Variants in KCNB2 observed in about 807,000 individuals in gnomAD.
The protein encoded by KCNB2 is potassium voltage-gated channel subfamily B member 2, also known as delayed rectifier potassium channel protein.
KCNB2 carries 15 observed loss-of-function variants against 61.5 expected under a neutral mutation model. The observed-to-expected ratio is 0.24, with a 90% CI of 0.16 to 0.38. The LOEUF (loss-of-function observed/expected upper bound fraction) is 0.38. Among genes scored for constraint, KCNB2 ranks in the 10% least tolerant of loss-of-function variants. KCNB2 has a pLI of 1.00. For synonymous variants in KCNB2, 457 were observed against 446.0 expected (o/e 1.02, Z -0.31); for missense variants, 828 against 1,125.2 (o/e 0.74, Z 3.78).
intron 2 of KCNB2, among the ~76,000 whole-genome samples, chr8:72,813,333 T>C (rs1459376105): frequency 6.6e-6 from 1 of 151,958 alleles, no homozygotes; most frequent in Non-Finnish European, 1.5e-5. Context: ...CTGAAGACTT[T>C]TTTTTTTCAA....
At chr8:72,734,812 A>G (rs941614825) in intron 2 of KCNB2, among the ~76,000 whole-genome samples, 1 of 152,224 alleles carries the variant, frequency 6.6e-6, no homozygotes, top group Admixed American at 6.6e-5. Flanking sequence ...CGACAGCTTC[A>G]GATAAAGGTC....
intron 2 of KCNB2, among the ~76,000 whole-genome samples, chr8:72,686,903 T>C (rs1213719584): frequency 6.6e-6 from 1 of 152,158 alleles, no homozygotes. Flanking sequence ...TCCAGGACAA[T>C]GGTCTTCTTC....
chr8:72,830,028 T>C (rs1486557601), intron 2 of KCNB2, among the ~76,000 whole-genome samples: 1 of 150,848 alleles, frequency 6.6e-6, no homozygotes, highest in Non-Finnish European at 1.5e-5. Flanking sequence ...AATTGGTCGC[T>C]AAAAATTGCT....
rs190155324 is a variant in KCNB2 at position 72,721,311 on chromosome 8, C to T, written c.579+152998C>T. On this transcript the variant is annotated intron_variant, in intron 2 of 2. Transcript: ENST00000523207. Reference sequence around the variant, plus strand: ...GGGGGTTGCTGTCTTTGCTGGTGAACTCTGCTGAATGGTGATAATGTGGAA... The same window carrying T: ...GGGGGTTGCTGTCTTTGCTGGTGAATTCTGCTGAATGGTGATAATGTGGAA... 4.9e-4 allele frequency among the ~76,000 whole-genome samples: 74 copies of T among 152,352 alleles called. No individual in the cohort carries two copies. The South Asian group carries it at 8.9e-3, about 18-fold the overall frequency.
intron 2 of KCNB2, among the ~76,000 whole-genome samples, chr8:72,692,110 C>T (rs1168074372): frequency 1.3e-5 from 2 of 151,666 alleles, no homozygotes; most frequent in Non-Finnish European, 2.9e-5. Context: ...GTGGTGGGTG[C>T]CTGTAGTCCC....
At chr8:72,747,467 A>G (rs1193351020) in intron 2 of KCNB2, among the ~76,000 whole-genome samples, 2 of 152,148 alleles carry the variant, frequency 1.3e-5, no homozygotes, top group Non-Finnish European at 2.9e-5. Context: ...TGTCTGTGAC[A>G]GAGGCATTCC....
intron 2 of KCNB2, among the ~76,000 whole-genome samples, chr8:72,826,732 G>A (rs1408973146): frequency 6.6e-6 from 1 of 152,148 alleles, no homozygotes; most frequent in Admixed American, 6.5e-5. Context: ...TGATATTGCA[G>A]AAGAAAATCC....
intron 2 of KCNB2, among the ~76,000 whole-genome samples, chr8:72,854,238 C>T (rs1810167502): frequency 6.6e-6 from 1 of 151,990 alleles, no homozygotes; most frequent in Admixed American, 6.6e-5. Flanking sequence ...TCTAAGCAGG[C>T]AAAATAAATT....
At chr8:72,777,078 A>G (rs1476010122) in intron 2 of KCNB2, among the ~76,000 whole-genome samples, 1 of 152,218 alleles carries the variant, frequency 6.6e-6, no homozygotes, top group Non-Finnish European at 1.5e-5. Context: ...AATTTAATCC[A>G]CATTGCACCA....
chr8:72,612,475 A>G (rs16919286), intron 2 of KCNB2, among the ~76,000 whole-genome samples: 4,069 of 152,308 alleles, frequency 0.027, 76 homozygotes, highest in South Asian at 0.081. Flanking sequence ...ATTCATACTG[A>G]TGACATTTTG....
At chr8:72,805,117 T>C (rs1041296761) in intron 2 of KCNB2, among the ~76,000 whole-genome samples, 2 of 152,194 alleles carry the variant, frequency 1.3e-5, no homozygotes, top group African/African-American at 4.8e-5. Context: ...AGGATAATTC[T>C]GAGGATCATG....
At chr8:72,931,230 A>C (rs7004996) in intron 2 of KCNB2, among the ~76,000 whole-genome samples, 3 of 151,544 alleles carry the variant, frequency 2.0e-5, no homozygotes, top group African/African-American at 7.3e-5. Flanking sequence ...GTCAGGTAGC[A>C]TGATGCCTCA....
chr8:72,937,553 C>T lies in KCNB2; in HGVS notation c.2198C>T (p.Thr733Ile). 1 of 1,614,018 alleles carries T rather than the reference C, an allele frequency of 6.2e-7. No homozygotes were observed. Among genetic ancestry groups the T allele is most frequent in the South Asian group, 1.1e-5 (1 of 91,074 alleles). ...AGTGCACCACAGACCCCGCCCAGCA[C>T]AGCCAGGCCACTGCCAGTCACCACA... is the stretch of plus-strand genomic sequence containing the variant. ...RGSAPQTPPS[T>I]ARPLPVTTAD... The change falls in exon 3 of 3, where the codon ACA becomes ATA. Residue 733 changes from threonine to isoleucine, a missense_variant. Around this residue, in one of 4 missense-constraint regions of KCNB2, gnomAD observed 559 missense variants for 588.4 expected, o/e 0.95. Transcript: ENST00000523207.
At chr8:72,780,064 T>C (rs888223737) in intron 2 of KCNB2, among the ~76,000 whole-genome samples, 2 of 152,222 alleles carry the variant, frequency 1.3e-5, no homozygotes, top group Non-Finnish European at 2.9e-5. Context: ...AAAGCCTCTA[T>C]GTCTAAAGTG....
Position 72,568,226 on chromosome 8 carries a change from A to T in KCNB2, c.492A>T (p.Gly164=). The stretch of plus-strand genomic sequence containing the variant: ...CAGAGACTATGCGAGAGCGAGAAGG[A>T]GAAGAGTTTGATAATACCTGCTGCC... ...REAETMRERE[G]EEFDNTCCPD... is the part of the protein sequence containing the mutation. Residue 164 remains glycine, a synonymous_variant, in exon 2 of 3, where the codon GGA becomes GGT. Transcript: ENST00000523207. The T allele has an allele frequency of 1.2e-6, 2 of 1,614,174 alleles. No homozygotes were observed. Among genetic ancestry groups the T allele is most frequent in the Non-Finnish European group, 1.7e-6 (2 of 1,180,044 alleles).
At chr8:72,744,973 C>T (rs1808033119) in intron 2 of KCNB2, among the ~76,000 whole-genome samples, 1 of 152,206 alleles carries the variant, frequency 6.6e-6, no homozygotes, top group Admixed American at 6.5e-5. Context: ...TGGCTACTGC[C>T]AGCTTCGCTG....
intron 2 of KCNB2, among the ~76,000 whole-genome samples, chr8:72,631,884 C>T (rs574668423): frequency 2.0e-5 from 3 of 152,184 alleles, no homozygotes; most frequent in South Asian, 4.1e-4. Flanking sequence ...GCTCAGTCAA[C>T]TCAGCCCACT....
At chr8:72,590,182 A>C (rs1023904980) in intron 2 of KCNB2, among the ~76,000 whole-genome samples, 5 of 152,170 alleles carry the variant, frequency 3.3e-5, no homozygotes, top group African/African-American at 1.2e-4. Context: ...TTTTAACCAT[A>C]AGTAATTTAA....
At chr8:72,800,953 G>A (rs1334777271) in intron 2 of KCNB2, among the ~76,000 whole-genome samples, 1 of 152,126 alleles carries the variant, frequency 6.6e-6, no homozygotes, top group Admixed American at 6.6e-5. Flanking sequence ...TCCAACCTAG[G>A]TTGATGCCAG....
Sources: gnomAD v4.1 joint callset for allele counts (sites outside exome capture counted in the v4.1 genomes callset) on GRCh38, gnomAD v4.1.1 for gene constraint, gnomAD v4.1.1 regional missense constraint, MANE v1.5 for transcripts, NCBI Gene and HGNC (gene_info 2026-07-23, HGNC 2026-07-21) for gene names.